Variants in ARHGAP6 observed in about 807,000 individuals in gnomAD.
ARHGAP6 encodes Rho GTPase activating protein 6.
In ARHGAP6, 16 loss-of-function variants were observed where a neutral mutation model predicts 55.7. The ratio of observed to expected loss-of-function variants is 0.29; its 90% CI spans 0.19 to 0.44. The LOEUF (loss-of-function observed/expected upper bound fraction) is 0.44, where lower values mean the gene tolerates loss of function less well. Among genes scored for constraint, ARHGAP6 ranks in the 20% least tolerant of loss-of-function variants. The pLI, the probability that ARHGAP6 is intolerant of heterozygous loss-of-function variation, is 1.00. For synonymous variants in ARHGAP6, 382 were observed against 360.9 expected, an observed-to-expected ratio of 1.06 and a Z score of -0.66; for missense variants, 698 against 808.9, an observed-to-expected ratio of 0.86 and a Z score of 1.66.
At chrX:11,436,192 C>G (rs1343336277) in intron 1 of ARHGAP6, among the ~76,000 whole-genome samples, 1 of 112,419 alleles carries the variant, frequency 8.9e-6, no homozygotes, top group Non-Finnish European at 1.9e-5. Flanking sequence ...AACTTAGCCA[C>G]TTGTTCCCTG....
chrX:11,620,118 A>T (rs946525940), intron 1 of ARHGAP6, among the ~76,000 whole-genome samples: 6 of 112,266 alleles, frequency 5.3e-5, no homozygotes, highest in Non-Finnish European at 9.4e-5. Flanking sequence ...AATTTTTATT[A>T]GTCTGATCAA....
intron 1 of ARHGAP6, among the ~76,000 whole-genome samples, chrX:11,301,005 G>C (rs186757333): frequency 9.0e-6 from 1 of 111,671 alleles, no homozygotes; most frequent in East Asian, 2.8e-4. Flanking sequence ...TTATGAATAT[G>C]TACAATAACT....
intron 2 of ARHGAP6, among the ~76,000 whole-genome samples, chrX:11,217,417 T>C (rs753122058): frequency 1.8e-5 from 2 of 112,345 alleles, no homozygotes; most frequent in Non-Finnish European, 3.8e-5. Flanking sequence ...CTAACTGGCA[T>C]GAAATGGTAT....
chrX:11,255,321 G>A (rs1022819174), intron 1 of ARHGAP6, among the ~76,000 whole-genome samples: 8 of 110,523 alleles, frequency 7.2e-5, no homozygotes, highest in Non-Finnish European at 1.1e-4. Context: ...GTTAACCATA[G>A]TCAAGGGCTT....
intron 1 of ARHGAP6, among the ~76,000 whole-genome samples, chrX:11,354,321 C>CTATATA (rs1295985738): frequency 3.1e-4 from 20 of 64,359 alleles, no homozygotes; most frequent in African/African-American, 6.4e-4. Flanking sequence ...CTCTCTCTCT[C>CTATATA]TCTCTCTATA....
Position 11,174,577 on chromosome X carries a change from T to C in ARHGAP6, c.1629+3523A>G, listed in dbSNP as rs35980862. On this transcript the variant is annotated intron_variant, in intron 8 of 12. Coordinates refer to ENST00000337414, the MANE Select transcript of ARHGAP6 (RefSeq NM_013427.3). ...TCCTTCCTTCCTTCCTTCCTTCCTT[T>C]CTTTCTTTCTTTCTTTTTCTTTCTT... Among the ~76,000 whole-genome samples the C allele has an allele frequency of 7.6e-3, 433 of 56,977 alleles. 3 individuals are homozygous for C. The highest frequency in any genetic ancestry group is 0.024 in the East Asian group (43 of 1,825). 49.5% of individuals were successfully genotyped at this position (56,977 alleles called of 115,157 possible).
Position 11,392,616 on chromosome X carries a change from T to A in ARHGAP6, c.589-137909A>T, listed in dbSNP as rs182915640. Among the ~76,000 whole-genome samples the A allele has an allele frequency of 4.5e-5, 5 of 111,890 alleles. No individual in the cohort carries two copies. In the East Asian group the frequency reaches 1.1e-3, roughly 25 times the overall value. On this transcript the variant is annotated intron_variant, in intron 1 of 12. Transcript: ENST00000337414. Reference sequence around the variant, plus strand: ...ATTTATAGCTTAATCTCAAATTGATTGTCTCATTTGATGCCTATGAAAAAC... The same window carrying A: ...ATTTATAGCTTAATCTCAAATTGATAGTCTCATTTGATGCCTATGAAAAAC...
chrX:11,176,268 CATATATTT>C (rs1228699986), intron 8 of ARHGAP6, among the ~76,000 whole-genome samples: 20 of 21,927 alleles, frequency 9.1e-4, no homozygotes, highest in African/African-American at 2.2e-3. Flanking sequence ...TATATATTTG[CATATATTT>C]ATATATTTAT....
At chrX:11,483,219 A>G (rs1439350948) in intron 1 of ARHGAP6, among the ~76,000 whole-genome samples, 2 of 111,765 alleles carry the variant, frequency 1.8e-5, no homozygotes, top group African/African-American at 6.5e-5. Flanking sequence ...CAGAACTTGC[A>G]ATGTGTTCAA....
At chrX:11,570,436 CAAT>C (rs1334083125) in intron 1 of ARHGAP6, among the ~76,000 whole-genome samples, 1 of 110,796 alleles carries the variant, frequency 9.0e-6, no homozygotes, top group Non-Finnish European at 1.9e-5. Context: ...TTGGAGATAA[CAAT>C]AATAATAATA....
At chrX:11,609,686 G>C (rs987128304) in intron 1 of ARHGAP6, among the ~76,000 whole-genome samples, 2 of 111,999 alleles carry the variant, frequency 1.8e-5, no homozygotes, top group Admixed American at 1.9e-4. Flanking sequence ...CAGAAGAAAA[G>C]TGGAAAGGGC....
At chrX:11,411,868 C>T (rs983301508) in intron 1 of ARHGAP6, among the ~76,000 whole-genome samples, 5 of 111,074 alleles carry the variant, frequency 4.5e-5, no homozygotes, top group Admixed American at 3.8e-4. Flanking sequence ...AAACTTACTG[C>T]GTTGGATAAC....
At chrX:11,324,897 G>C (rs1335440723) in intron 1 of ARHGAP6, among the ~76,000 whole-genome samples, 2 of 112,396 alleles carry the variant, frequency 1.8e-5, no homozygotes, top group African/African-American at 6.5e-5. Flanking sequence ...TGTCGCCCAG[G>C]CCGGACTGCG....
chrX:11,459,053 T>G (rs1472197806), intron 1 of ARHGAP6, among the ~76,000 whole-genome samples: 1 of 110,747 alleles, frequency 9.0e-6, no homozygotes, highest in Non-Finnish European at 1.9e-5. Flanking sequence ...AGTACTTATA[T>G]CTGGGGGAAG....
At chrX:11,532,360 A>G (rs1426721867) in intron 1 of ARHGAP6, among the ~76,000 whole-genome samples, 1 of 112,641 alleles carries the variant, frequency 8.9e-6, no homozygotes, top group African/African-American at 3.2e-5. Context: ...TTTATTTTTA[A>G]AGTAACAGGG....
chrX:11,661,217 CAG>C (rs2052699942), intron 1 of ARHGAP6, among the ~76,000 whole-genome samples: 1 of 112,483 alleles, frequency 8.9e-6, no homozygotes, highest in Non-Finnish European at 1.9e-5. Flanking sequence ...TGCCTGTGAT[CAG>C]AGTCAGGGGC....
chrX:11,156,837 C>G (rs916606343), intron 9 of ARHGAP6, among the ~76,000 whole-genome samples: 2 of 112,372 alleles, frequency 1.8e-5, no homozygotes, highest in African/African-American at 6.5e-5. Context: ...ATATTCAATC[C>G]AAAATGTCAC....
chrX:11,519,575 A>G lies in ARHGAP6; in HGVS notation c.588+144666T>C, dbSNP rs769116390. ...CAAAGCTGGAGGCATCACACTACCTAACTTCAAACTATACTACAAGGCTAC... is the reference window on the plus strand; with the variant it reads ...CAAAGCTGGAGGCATCACACTACCTGACTTCAAACTATACTACAAGGCTAC... On this transcript the variant is annotated intron_variant, in intron 1 of 12. Transcript: ENST00000337414. Among the ~76,000 whole-genome samples the G allele has an allele frequency of 2.4e-3, 258 of 109,520 alleles. 5 individuals carry two copies. The East Asian group carries it at 0.041, about 17-fold the overall frequency.
In ARHGAP6 at chrX:11,567,566, A is replaced by AAAAAATATATATATATATATAT. The variant is rs1440758737; in HGVS notation, c.588+96674_588+96675insATATATATATATATATATTTTT. 3.3e-4 allele frequency among the ~76,000 whole-genome samples: 28 copies of AAAAAATATATATATATATATAT among 84,390 alleles called. 1 individual carries two copies. The highest frequency in any genetic ancestry group is 1.2e-3 in the African/African-American group (26 of 21,102). The allele number at this position is 84,390 out of a possible 115,157, so 73.3% of individuals were successfully genotyped here. Reference sequence around the variant, plus strand: ...GAGACTCCATCTCAAAAAAAAAAAAAATATATATATATATTTGCCTCAGAG... The same window carrying AAAAAATATATATATATATATAT: ...GAGACTCCATCTCAAAAAAAAAAAAAAAAAATATATATATATATATATATATATATATATATTTGCCTCAGAG... On this transcript the variant is annotated intron_variant, in intron 1 of 12. Transcript: ENST00000337414.
Sources: gnomAD v4.1 joint callset for allele counts (sites outside exome capture counted in the v4.1 genomes callset) on GRCh38, gnomAD v4.1.1 for gene constraint, MANE v1.5 for transcripts, NCBI Gene and HGNC (gene_info 2026-07-23, HGNC 2026-07-21) for gene names.